The following RPS15A variants were observed in gnomAD, a reference collection of about 807,000 sequenced individuals.
RPS15A encodes the protein small ribosomal subunit protein uS8.
For missense variants in RPS15A, 62 were observed against 163.4 expected (o/e 0.38, Z 3.38); for synonymous variants, 55 against 58.5 (o/e 0.94, Z 0.27).
At chr16:18,783,620 A>G (rs1282520389) in intron 4 of RPS15A, 2 of 455,302 alleles carry the variant, frequency 4.4e-6, no homozygotes, top group Admixed American at 4.7e-5. Flanking sequence ...AAGAGAAATG[A>G]TTTTGGTGAG....
intron 3 of RPS15A, among the ~76,000 whole-genome samples, chr16:18,787,751 A>G (rs957414555): frequency 6.6e-6 from 1 of 152,230 alleles, no homozygotes; most frequent in African/African-American, 2.4e-5. Flanking sequence ...AATGGCCTTG[A>G]GCCACCCAAG....
rs1335905965 is a variant in RPS15A, at chr16:18,784,791, T to C, written c.246A>G (p.Gln82=). ...CGVISPRFDV[Q]LKDLEKWQNN... ...TCTGCCATTTTTCCAGGTCTTTGAG[T>C]TGCACGTCAAATCTGGGGCTGATCA... is the stretch of plus-strand genomic sequence containing the variant. The change falls in exon 4 of 5, where the codon CAA becomes CAG. Residue 82 remains glutamine, a synonymous_variant. Coordinates refer to ENST00000322989, the MANE Select transcript of RPS15A (RefSeq NM_001019.5). The C allele has an allele frequency of 6.2e-7, 1 of 1,612,548 alleles. No individual in the cohort carries two copies.
intron 3 of RPS15A, 78 bp from the exon 4 acceptor site, chr16:18,784,901 C>A (rs1596935120): frequency 8.6e-7 from 1 of 1,166,306 alleles, no homozygotes. Flanking sequence ...AGATGACATT[C>A]ATAAATAAAC....
chr16:18,787,582 T>C (rs890072842), intron 3 of RPS15A, among the ~76,000 whole-genome samples: 1 of 152,252 alleles, frequency 6.6e-6, no homozygotes. Flanking sequence ...CAAGTCAAAC[T>C]GAAAAGCAGC....
chr16:18,786,194 G>A (rs182946051), intron 3 of RPS15A: 108 of 208,352 alleles, frequency 5.2e-4, no homozygotes, highest in Admixed American at 1.1e-3. Context: ...GCGAAACCCC[G>A]TCTTTACCAA....
chr16:18,789,133 C>G lies in RPS15A; in HGVS notation c.-5-15G>C. The G allele has an allele frequency of 6.2e-7, 1 of 1,602,510 alleles. No individual in the cohort carries two copies. The highest frequency in any genetic ancestry group is 1.1e-5 in the South Asian group (1 of 89,578). Reference sequence around the variant, plus strand: ...CACCATTGTGGCTGTTCAAGGAAGACAAAACAGGAGGTTTTACTGGCATTG... The same window carrying G: ...CACCATTGTGGCTGTTCAAGGAAGAGAAAACAGGAGGTTTTACTGGCATTG... On this transcript the variant is annotated splice_polypyrimidine_tract_variant and intron_variant, in intron 1 of 4. Transcript: ENST00000322989.
chr16:18,787,009 C>T (rs1252266060), intron 3 of RPS15A, among the ~76,000 whole-genome samples: 2 of 152,142 alleles, frequency 1.3e-5, no homozygotes, highest in African/African-American at 4.8e-5. Flanking sequence ...GGATTACAAG[C>T]GCCCGCCACT....
At chr16:18,783,723 C>T in intron 4 of RPS15A, 1 of 455,848 alleles carries the variant, frequency 2.2e-6, no homozygotes, top group Non-Finnish European at 4.4e-6. Flanking sequence ...TTCTTAACCA[C>T]AAAGATACAC....
chr16:18,784,042 A>C (rs1479008064), intron 4 of RPS15A: 1 of 209,656 alleles, frequency 4.8e-6, no homozygotes, highest in Non-Finnish European at 9.9e-6. Flanking sequence ...CTGCCAGTCT[A>C]AGCTCTCATG....
intron 2 of RPS15A, chr16:18,788,444 A>T: frequency 2.9e-6 from 1 of 350,060 alleles, no homozygotes; most frequent in South Asian, 4.1e-5. Context: ...GCAATAATCC[A>T]ATCTTTCCTC....
At chr16:18,787,993 C>CAATT in intron 3 of RPS15A, 70 bp downstream of exon 3, 1 of 930,822 alleles carries the variant, frequency 1.1e-6, no homozygotes, top group Non-Finnish European at 1.8e-6. Context: ...TTTCCAAAGG[C>CAATT]AATTACAACA....
rs149204007 is a variant in RPS15A at position 18,789,517 on chromosome 16, G to C, written c.-5-399C>G. Among the ~76,000 whole-genome samples, 561 of 152,302 alleles carry C rather than the reference G, an allele frequency of 3.7e-3. 3 individuals carry two copies. The highest frequency in any genetic ancestry group is 0.013 in the African/African-American group (536 of 41,550). ...ATCAGTGATTCAGAACAGAAGCAGAGTATCATCGGCAACATTTTCCAAATT... is the reference window on the plus strand; with the variant it reads ...ATCAGTGATTCAGAACAGAAGCAGACTATCATCGGCAACATTTTCCAAATT... On this transcript the variant is annotated intron_variant, in intron 1 of 4. Coordinates refer to ENST00000322989, the MANE Select transcript of RPS15A (RefSeq NM_001019.5).
In RPS15A at chr16:18,788,977, T is replaced by C. The variant is rs772290025; in HGVS notation, c.133+4A>G. ...AACATAAAACACAGCGGCAGCAGAC[T>C]TACCATGCTTCATCATCACAGTGAG... On this transcript the variant is annotated splice_donor_region_variant and intron_variant, in intron 2 of 4. Coordinates refer to ENST00000322989, the MANE Select transcript of RPS15A (RefSeq NM_001019.5). 24 of 1,610,966 alleles carry C rather than the reference T, an allele frequency of 1.5e-5. No individual in the cohort carries two copies. Among genetic ancestry groups the C allele is most frequent in the Admixed American group, 8.5e-5 (5 of 59,026 alleles).
At chr16:18,785,031 G>A (rs1904024867) in intron 3 of RPS15A, 2 of 505,498 alleles carry the variant, frequency 4.0e-6, no homozygotes. Context: ...AAAAAGCAAA[G>A]GCATGCAAAG....
intron 2 of RPS15A, chr16:18,788,735 G>A: frequency 4.6e-6 from 2 of 437,788 alleles, no homozygotes; most frequent in Non-Finnish European, 4.2e-6. Flanking sequence ...ATGAGCTCAG[G>A]AGTCCTTTCA....
chr16:18,781,603 T>C lies in RPS15A; in HGVS notation c.*1406A>G, dbSNP rs1235335427. On this transcript the variant is annotated 3_prime_UTR_variant, in exon 5 of 5. Transcript: ENST00000322989. The stretch of plus-strand genomic sequence containing the variant: ...TCATTCCCATTACAGATACGGATGC[T>C]GAGGTTACTGAGTGGAAGAGGAAAC... 2.6e-5 allele frequency: 4 copies of C among 152,090 alleles called. No individual in the cohort carries two copies. The highest frequency in any genetic ancestry group is 1.3e-4 in the Admixed American group (2 of 15,252). The allele number at this position is 152,090 out of a possible 1,614,324, so 9.4% of individuals were successfully genotyped here. A position where few individuals can be genotyped will look rare whatever the true frequency, so the allele number is the denominator to read the frequency against.
chr16:18,783,709 TAAA>T (rs1374668120), intron 4 of RPS15A: 1 of 456,050 alleles, frequency 2.2e-6, no homozygotes, highest in East Asian at 6.9e-5. Context: ...TTGGAGGGTA[TAAA>T]TTCTTAACCA....
At chr16:18,789,183 T>A in intron 1 of RPS15A, 65 bp from the exon 2 acceptor site, 1 of 1,485,510 alleles carries the variant, frequency 6.7e-7, no homozygotes, top group Non-Finnish European at 9.1e-7. Flanking sequence ...CACCAACCAT[T>A]ACACTGCGGA....
intron 3 of RPS15A, 104 bp from the exon 4 acceptor site, chr16:18,784,927 C>G: frequency 1.2e-6 from 1 of 865,664 alleles, no homozygotes; most frequent in Non-Finnish European, 1.8e-6. Flanking sequence ...TCCAAACCAA[C>G]CAACCCAGCA....
Sources: gnomAD v4.1 joint callset for allele counts (sites outside exome capture counted in the v4.1 genomes callset) on GRCh38, gnomAD v4.1.1 for gene constraint, MANE v1.5 for transcripts, NCBI Gene and HGNC (gene_info 2026-07-23, HGNC 2026-07-21) for gene names.